PCNX2: variants seen among roughly 807,000 people sequenced by gnomAD.
The protein encoded by PCNX2 is pecanex 2.
PCNX2 carries 168 observed loss-of-function variants against 223.8 expected under a neutral mutation model. That is an observed-to-expected ratio of 0.75 (90% CI 0.66 to 0.85). The LOEUF is 0.85. Ranked by LOEUF, PCNX2 falls within the 40% of genes least tolerant of loss-of-function variation. The pLI, the probability that PCNX2 is intolerant of heterozygous loss-of-function variation, is 0.00. For synonymous variants in PCNX2, 1,006 were observed against 1,052.6 expected (o/e 0.96, Z 0.86); for missense variants, 2,507 against 2,675.5 (o/e 0.94, Z 1.39).
chr1:233,027,405 C>T (rs1671116920), intron 25 of PCNX2, among the ~76,000 whole-genome samples: 1 of 152,148 alleles, frequency 6.6e-6, no homozygotes, highest in Admixed American at 6.5e-5. Flanking sequence ...TCTTTCTTGG[C>T]ACCTTATTGC....
At chr1:232,995,863 G>A (rs1402630474) in intron 32 of PCNX2, among the ~76,000 whole-genome samples, 1 of 151,998 alleles carries the variant, frequency 6.6e-6, no homozygotes, top group Non-Finnish European at 1.5e-5. Flanking sequence ...AAGGGAAGAA[G>A]GTGTTTCCAA....
chr1:233,152,252 C>T (rs1358391739), intron 19 of PCNX2, among the ~76,000 whole-genome samples: 1 of 152,234 alleles, frequency 6.6e-6, no homozygotes, highest in Non-Finnish European at 1.5e-5. Flanking sequence ...ACTTATTTGG[C>T]ATTTGAAATG....
intron 23 of PCNX2, among the ~76,000 whole-genome samples, chr1:233,077,121 C>T (rs2102914679): frequency 6.6e-6 from 1 of 152,212 alleles, no homozygotes; most frequent in Non-Finnish European, 1.5e-5. Context: ...GTCACTTTAG[C>T]CTTGTAACAG....
At chr1:233,041,304 T>G (rs1671636770) in intron 25 of PCNX2, among the ~76,000 whole-genome samples, 1 of 152,138 alleles carries the variant, frequency 6.6e-6, no homozygotes, top group Admixed American at 6.6e-5. Flanking sequence ...ATACTACAGG[T>G]TGAACATCCC....
At chr1:233,064,331 C>T (rs1045072568) in intron 23 of PCNX2, among the ~76,000 whole-genome samples, 1 of 152,122 alleles carries the variant, frequency 6.6e-6, no homozygotes, top group Non-Finnish European at 1.5e-5. Flanking sequence ...TGGGTAGTAT[C>T]GTTTTGAACT....
At chr1:233,213,528 C>G (rs1306079720) in intron 12 of PCNX2, among the ~76,000 whole-genome samples, 1 of 152,010 alleles carries the variant, frequency 6.6e-6, no homozygotes, top group Non-Finnish European at 1.5e-5. Context: ...TACCACTTTC[C>G]CAATTTTTCT....
At chr1:233,305,040 T>C in the PCNX2 span, among the ~76,000 whole-genome samples, 2 of 152,140 alleles carry the variant, frequency 1.3e-5, no homozygotes, top group Admixed American at 6.6e-5. Context: ...AAGAGGACTT[T>C]AACTTACCTA....
At chr1:233,304,616 G>A in the PCNX2 span, among the ~76,000 whole-genome samples, 6 of 152,258 alleles carry the variant, frequency 3.9e-5, no homozygotes, top group African/African-American at 1.4e-4. Flanking sequence ...GGGAGGGAAA[G>A]GAAGGAAGGA....
rs148358331 is a variant in PCNX2, at chr1:233,195,807, A to C, written c.3066+3132T>G. ...ACTGTGGTATATGGAACAATATACC[A>C]TGTTCATGGATCAAAAAGTTACAGT... On this transcript the variant is annotated intron_variant, in intron 15 of 33. Transcript: ENST00000258229. Among the ~76,000 whole-genome samples the C allele has an allele frequency of 7.0e-3, 1,071 of 152,366 alleles. 7 individuals are homozygous for C. The highest frequency in any genetic ancestry group is 0.02 in the Middle Eastern group (6 of 294).
intron 19 of PCNX2, among the ~76,000 whole-genome samples, chr1:233,154,061 T>A (rs1225818937): frequency 6.6e-6 from 1 of 152,060 alleles, no homozygotes; most frequent in African/African-American, 2.4e-5. Context: ...GATGTTTAAT[T>A]GATGTGTTTT....
rs145449954 is a variant in PCNX2 at position 233,001,286 on chromosome 1, C to G, written c.5097+251G>C. On this transcript the variant is annotated intron_variant, in intron 29 of 33. Coordinates refer to ENST00000258229, the MANE Select transcript of PCNX2 (RefSeq NM_014801.4). The surrounding 1 kb of genome is among the most constrained non-coding windows in gnomAD (Gnocchi z 4.2). ...CTTAAGGTCGGGAGTTCGAGATCAGCCTGACCAACATGGAGAAACCCCATT... is the reference window on the plus strand; with the variant it reads ...CTTAAGGTCGGGAGTTCGAGATCAGGCTGACCAACATGGAGAAACCCCATT... Among the ~76,000 whole-genome samples, 1 of 152,210 alleles carries G rather than the reference C, an allele frequency of 6.6e-6. No individual in the cohort carries two copies. Among genetic ancestry groups the G allele is most frequent in the South Asian group, 2.1e-4 (1 of 4,822 alleles).
intron 9 of PCNX2, among the ~76,000 whole-genome samples, chr1:233,235,957 A>AAAATATATATGTATATATATATATAT (rs369886650): frequency 4.3e-5 from 4 of 93,112 alleles, no homozygotes; most frequent in African/African-American, 1.6e-4. Context: ...CATAAAAAAA[A>AAAATATATATGTATATATATATATAT]ATATATATAT....
the PCNX2 span, among the ~76,000 whole-genome samples, chr1:233,326,554 T>C: frequency 6.6e-6 from 1 of 152,202 alleles, no homozygotes; most frequent in South Asian, 2.1e-4. Context: ...CATAGAGAAA[T>C]AAAGAAACTT....
At chr1:233,149,881 C>A (rs1337633724) in intron 19 of PCNX2, among the ~76,000 whole-genome samples, 1 of 97,468 alleles carries the variant, frequency 1.0e-5, no homozygotes, top group Non-Finnish European at 2.0e-5. Flanking sequence ...TATCCTTAAG[C>A]CTCAATTTAT....
chr1:233,087,142 T>C, intron 23 of PCNX2: 1 of 985,440 alleles, frequency 1.0e-6, no homozygotes, highest in Middle Eastern at 5.2e-4. Flanking sequence ...ATTTATCACT[T>C]CCTTGAAGTA....
chr1:233,025,486 G>A (rs1671052573), intron 25 of PCNX2, 87 bp from the exon 26 acceptor site: 4 of 1,526,712 alleles, frequency 2.6e-6, no homozygotes, highest in Admixed American at 3.7e-5. Context: ...CTTCATCAGA[G>A]GGGAAGAGGC....
rs377111420 is a variant in PCNX2 at position 232,998,317 on chromosome 1, C to A, written c.5725G>T (p.Ala1909Ser). ...APSGGSQESS[A>S]EQPRKGGAQH... ...GCACCGCCTTTTCTGGGCTGTTCTG[C>A]GCTGCTCTCCTGGCTGCCACCACTC... The change falls in exon 32 of 34, where the codon GCA (alanine) becomes TCA (serine). Residue 1909 changes from alanine to serine, a missense_variant. This residue lies in a region of PCNX2 where 1,372 missense variants were observed against 1,509.4 expected (regional missense o/e 0.91). Transcript: ENST00000258229. 6.2e-7 allele frequency: 1 copy of A among 1,612,946 alleles called. No individual in the cohort carries two copies. Among genetic ancestry groups the A allele is most frequent in the South Asian group, 1.1e-5 (1 of 90,780 alleles).
chr1:233,310,408 G>T, the PCNX2 span, among the ~76,000 whole-genome samples: 1 of 152,188 alleles, frequency 6.6e-6, no homozygotes, highest in Non-Finnish European at 1.5e-5. Context: ...AAATAATTAT[G>T]CTATCAAAAA....
intron 21 of PCNX2, among the ~76,000 whole-genome samples, chr1:233,101,656 A>C (rs2102959133): frequency 6.6e-6 from 1 of 152,330 alleles, no homozygotes; most frequent in Middle Eastern, 3.4e-3. Context: ...TTAACTCAAA[A>C]AAGGGGGCAC....
Sources: gnomAD v4.1 joint callset for allele counts (sites outside exome capture counted in the v4.1 genomes callset) on GRCh38, gnomAD v4.1.1 for gene constraint, gnomAD v4.1.1 regional missense constraint, Gnocchi (gnomAD v3.1) non-coding constraint, MANE v1.5 for transcripts, NCBI Gene and HGNC (gene_info 2026-07-23, HGNC 2026-07-21) for gene names.